CHMP7: variants seen among roughly 807,000 people sequenced by gnomAD.
CHMP7 encodes the protein charged multivesicular body protein 7.
In CHMP7, 15 loss-of-function variants were observed where a neutral mutation model predicts 53.7. The ratio of observed to expected loss-of-function variants is 0.28; its 90% CI spans 0.19 to 0.43. The LOEUF is 0.43. Among genes scored for constraint, CHMP7 ranks in the 20% least tolerant of loss-of-function variants. The pLI is 1.00. For synonymous variants in CHMP7, 261 were observed against 228.0 expected (o/e 1.14, Z -1.30); for missense variants, 527 against 569.4 (o/e 0.93, Z 0.76).
At chr8:23,247,918 G>GTT (rs58644300) in intron 2 of CHMP7, 668 of 328,446 alleles carry the variant, frequency 2.0e-3, no homozygotes, top group Middle Eastern at 3.3e-3. Flanking sequence ...TGTTTGGTTG[G>GTT]TTTTTTTTTT....
intron 3 of CHMP7, among the ~76,000 whole-genome samples, chr8:23,253,783 T>G (rs1405358546): frequency 6.6e-6 from 1 of 152,210 alleles, no homozygotes; most frequent in East Asian, 1.9e-4. Flanking sequence ...ATTTTGTTTG[T>G]CTCCACCACT....
chr8:23,250,508 T>C (rs1801879063), intron 3 of CHMP7, among the ~76,000 whole-genome samples: 1 of 152,130 alleles, frequency 6.6e-6, no homozygotes. Flanking sequence ...TGTTTCCTTC[T>C]CAACCGACCT....
At chr8:23,253,564 G>C (rs1802011243) in intron 3 of CHMP7, among the ~76,000 whole-genome samples, 1 of 152,190 alleles carries the variant, frequency 6.6e-6, no homozygotes, top group South Asian at 2.1e-4. Flanking sequence ...TGGGATTAGA[G>C]GCGTGAGGCA....
intron 8 of CHMP7, 97 bp downstream of exon 8, chr8:23,258,927 G>A: frequency 9.4e-7 from 1 of 1,063,300 alleles, no homozygotes; most frequent in East Asian, 2.4e-5. Context: ...CCTGACTTGT[G>A]ACCTTGTGAA....
intron 9 of CHMP7, 56 bp from the exon 10 acceptor site, chr8:23,260,088 C>T: frequency 6.9e-7 from 1 of 1,443,664 alleles, no homozygotes; most frequent in Non-Finnish European, 9.7e-7. Context: ...GTCCTGTACT[C>T]ATTAATGCAT....
In CHMP7 at chr8:23,255,391, AAGG is replaced by A; in HGVS notation, c.619_621del (p.Glu207del). ...CTACTTGGTGTTGCTGCAGCTGCAG[AAGG>A]AGAAGAGGGTCACAGTCCTCGAGCA... On this transcript the variant is annotated inframe_deletion, in exon 4 of 11. Coordinates refer to ENST00000397677, the MANE Select transcript of CHMP7 (RefSeq NM_152272.5). 6.2e-7 allele frequency: 1 copy of A among 1,614,158 alleles called. No homozygotes were observed. Among genetic ancestry groups the A allele is most frequent in the South Asian group, 1.1e-5 (1 of 91,082 alleles).
At chr8:23,258,622 C>T in intron 7 of CHMP7, 110 bp from the exon 8 acceptor site, 1 of 1,197,606 alleles carries the variant, frequency 8.3e-7, no homozygotes, top group Non-Finnish European at 1.2e-6. Context: ...GTAAATTGAG[C>T]TTGGGTGCCA....
intron 3 of CHMP7, among the ~76,000 whole-genome samples, chr8:23,253,413 A>T (rs11778560): frequency 0.026 from 3,956 of 152,260 alleles, 73 homozygotes; most frequent in African/African-American, 0.043. Context: ...CCTCTCAAGT[A>T]GCTGGGATCA....
Position 23,246,792 on chromosome 8 carries a change from T to C in CHMP7, c.97T>C (p.Phe33Leu). 1 of 1,587,240 alleles carries C rather than the reference T, an allele frequency of 6.3e-7. No individual in the cohort carries two copies. Among genetic ancestry groups the C allele is most frequent in the Non-Finnish European group, 8.6e-7 (1 of 1,167,300 alleles). Residue 33 changes from phenylalanine to leucine, a missense_variant, in exon 2 of 11, where the codon TTC becomes CTC. Physicochemically the swap from Phe to Leu is conservative, Grantham distance 22. Transcript: ENST00000397677. ...EWEEDEERMSFLFSAFKRSRE... is the reference protein window; with the variant it reads ...EWEEDEERMSLLFSAFKRSRE... ...GGAGGAGGACGAGGAGCGCATGTCC[T>C]TCCTGTTCTCCGCTTTCAAGAGGAG... is the stretch of plus-strand genomic sequence containing the variant.
At chr8:23,258,600 G>T (rs937818240) in intron 7 of CHMP7, 132 bp from the exon 8 acceptor site, 3 of 1,222,068 alleles carry the variant, frequency 2.5e-6, no homozygotes, top group Non-Finnish European at 2.4e-6. Context: ...GTTTGGCCTC[G>T]GTGGGTATAG....
intron 9 of CHMP7, among the ~76,000 whole-genome samples, 190 bp downstream of exon 9, chr8:23,259,316 C>G (rs1026085050): frequency 3.3e-5 from 5 of 149,710 alleles, no homozygotes; most frequent in African/African-American, 4.9e-5. Context: ...CTACAGGCGC[C>G]TGCCACTATG....
chr8:23,259,896 A>G (rs1408504230), intron 9 of CHMP7: 8 of 449,252 alleles, frequency 1.8e-5, no homozygotes, highest in Non-Finnish European at 2.8e-5. Context: ...TCCTCCTTCA[A>G]GGGCAGTGGG....
At chr8:23,254,861 C>T (rs991345794) in intron 3 of CHMP7, 6 of 326,120 alleles carry the variant, frequency 1.8e-5, no homozygotes, top group Non-Finnish European at 3.0e-5. Context: ...GAGGCTGTGA[C>T]TGGCCCAAGG....
In CHMP7 at chr8:23,260,173, T is replaced by C. The variant is rs755301679; in HGVS notation, c.1150T>C (p.Leu384=). Residue 384 remains leucine (L), a synonymous_variant, in exon 10 of 11, where the codon TTG becomes CTG. Transcript: ENST00000397677. The part of the protein sequence containing the change: ...DFDSEELEKE[L]DILLQDTTKE... ...TGACAGTGAAGAACTGGAGAAGGAATTGGACATCCTCCTTCAGGATACCAC... is the reference window on the plus strand; with the variant it reads ...TGACAGTGAAGAACTGGAGAAGGAACTGGACATCCTCCTTCAGGATACCAC... The C allele has an allele frequency of 5.6e-6, 9 of 1,613,986 alleles. No homozygotes were observed. The Admixed American group carries it at 8.3e-5, about 15-fold the overall frequency.
chr8:23,244,308 C>A (rs753331157), intron 1 of CHMP7, among the ~76,000 whole-genome samples: 6 of 152,140 alleles, frequency 3.9e-5, no homozygotes, highest in Non-Finnish European at 8.8e-5. Context: ...TCCATTTGAG[C>A]TGGCTTTTGT....
rs757590012 is a variant in CHMP7, at chr8:23,246,592, GA to G, written c.-102del. On this transcript the variant is annotated 5_prime_UTR_variant, in exon 2 of 11. Transcript: ENST00000397677. ...CACGCTCAGGGCGGCGGTGACGTGT[GA>G]ACGAGAAGGAGGTGGTCAAGGAACG... 47 of 962,644 alleles carry G rather than the reference GA, an allele frequency of 4.9e-5. No individual in the cohort carries two copies. The highest frequency in any genetic ancestry group is 6.8e-5 in the Non-Finnish European group (45 of 657,906). The allele number at this position is 962,644 out of a possible 1,614,324, so 59.6% of individuals were successfully genotyped here.
chr8:23,256,110 C>A (rs191566345), intron 4 of CHMP7, among the ~76,000 whole-genome samples: 160 of 152,154 alleles, frequency 1.1e-3, no homozygotes, highest in African/African-American at 3.6e-3. Flanking sequence ...TGCTGGCAGT[C>A]CAGATTTACC....
rs1341160434 is a variant in CHMP7, at chr8:23,246,926, G to A, written c.231G>A (p.Leu77=). ...TGGTGCGCCTGCGTCTGCGGGACTT[G>A]CAGGAGGCCTTTCAGCGCAAGGGGA... The part of the protein sequence containing the change: ...QGVVRLRLRD[L]QEAFQRKGSV... The change falls in exon 2 of 11, where the codon TTG becomes TTA. Residue 77 remains leucine (L), a synonymous_variant. Coordinates refer to ENST00000397677, the MANE Select transcript of CHMP7 (RefSeq NM_152272.5). 6.4e-7 allele frequency: 1 copy of A among 1,565,730 alleles called. No individual in the cohort carries two copies. The highest frequency in any genetic ancestry group is 2.4e-5 in the East Asian group (1 of 42,512).
Position 23,246,693 on chromosome 8 carries a change from C to T in CHMP7, c.-3C>T. On this transcript the variant is annotated 5_prime_UTR_variant, in exon 2 of 11. Coordinates refer to ENST00000397677, the MANE Select transcript of CHMP7 (RefSeq NM_152272.5). ...TCGCAGCCTTGCCGGGGCTGGGGTT[C>T]CGATGTGGTCCCCGGAGCGGGAGGC... is the stretch of plus-strand genomic sequence containing the variant. The T allele has an allele frequency of 6.5e-7, 1 of 1,547,408 alleles. No individual in the cohort carries two copies. The highest frequency in any genetic ancestry group is 8.7e-7 in the Non-Finnish European group (1 of 1,145,994).
Sources: gnomAD v4.1 joint callset for allele counts (sites outside exome capture counted in the v4.1 genomes callset) on GRCh38, gnomAD v4.1.1 for gene constraint, MANE v1.5 for transcripts, NCBI Gene and HGNC (gene_info 2026-07-23, HGNC 2026-07-21) for gene names.